The following TIE1 variants were observed in gnomAD, a reference collection of about 807,000 sequenced individuals.
The protein encoded by TIE1 is tyrosine-protein kinase receptor Tie-1.
A neutral mutation model predicts 130.5 loss-of-function variants in TIE1; 89 were observed. The ratio of observed to expected loss-of-function variants is 0.68; its 90% CI spans 0.57 to 0.81. TIE1 has a LOEUF of 0.81. TIE1 is among the 40% of genes least tolerant of loss of function. The pLI, the probability that TIE1 is intolerant of heterozygous loss-of-function variation, is 0.00. For synonymous variants in TIE1, 568 were observed against 629.4 expected (o/e 0.90, Z 1.46); for missense variants, 1,392 against 1,559.8 (o/e 0.89, Z 1.81).
chr1:43,313,197 T>C lies in TIE1; in HGVS notation c.1990T>C (p.Trp664Arg). 1 of 1,613,688 alleles carries C rather than the reference T, an allele frequency of 6.2e-7. No homozygotes were observed. Among genetic ancestry groups the C allele is most frequent in the Non-Finnish European group, 8.5e-7 (1 of 1,179,834 alleles). ...ALSDSEIQLT[W>R]KHPEALPGPI... ...CTCAGACTCCGAGATCCAGCTGACA[T>C]GGAAGCACCCGGAGGCTCTGCCTGG... Residue 664 changes from tryptophan to arginine, a missense_variant, in exon 13 of 23, where the codon TGG becomes CGG. Physicochemically the swap from Trp to Arg is moderately radical, Grantham distance 101. Around this residue, in one of 6 missense-constraint regions of TIE1, gnomAD observed 551 missense variants for 565.5 expected, o/e 0.97. Transcript: ENST00000372476. This position sits in a 1 kb window ranked among gnomAD's most constrained non-coding sequence, Gnocchi z 6.2.
In TIE1 at chr1:43,319,547, G is replaced by C. The variant is rs751742231; in HGVS notation, c.3107+18G>C. 2.2e-5 allele frequency: 36 copies of C among 1,612,628 alleles called. No homozygotes were observed. The South Asian group carries it at 3.5e-4, about 16-fold the overall frequency. ...AGTGATGTGTGAGTGTGAGATGAGAGGGCACAGGAGGGCTTGGCCCCCAAG... is the reference window on the plus strand; with the variant it reads ...AGTGATGTGTGAGTGTGAGATGAGACGGCACAGGAGGGCTTGGCCCCCAAG... On this transcript the variant is annotated intron_variant, in intron 19 of 22. Transcript: ENST00000372476. The surrounding 1 kb of genome is among the most constrained non-coding windows in gnomAD (Gnocchi z 4.7).
chr1:43,309,317 A>G lies in TIE1; in HGVS notation c.1189-71A>G. On this transcript the variant is annotated intron_variant, in intron 8 of 22. Coordinates refer to ENST00000372476, the MANE Select transcript of TIE1 (RefSeq NM_005424.5). The surrounding 1 kb of genome is among the most constrained non-coding windows in gnomAD (Gnocchi z 6.3). ...GGCCTCTGTCCTGCCATCAGTCCAG[A>G]CGGACACCTGGGTGCCTGCCACAGA... 3.3e-6 allele frequency: 5 copies of G among 1,534,112 alleles called. 1 individual carries two copies. The South Asian group carries it at 6.5e-5, about 20-fold the overall frequency.
chr1:43,310,141 C>T (rs1246455561), intron 9 of TIE1, among the ~76,000 whole-genome samples: 1 of 152,114 alleles, frequency 6.6e-6, no homozygotes, highest in Non-Finnish European at 1.5e-5. Context: ...TCCCTCTGCT[C>T]CTGCCACCCC....
chr1:43,313,802 A>G lies in TIE1; in HGVS notation c.2243A>G (p.Gln748Arg). 1.2e-6 allele frequency: 2 copies of G among 1,613,402 alleles called. No homozygotes were observed. The highest frequency in any genetic ancestry group is 8.5e-7 in the Non-Finnish European group (1 of 1,179,792). ...GGGCTGCAGGCTGAGGGCCCAGTCC[A>G]AGAGAGCCGGGCAGCTGAAGAGGGC... Reference protein sequence around the residue: ...GNGLQAEGPVQESRAAEEGLD... With the variant: ...GNGLQAEGPVRESRAAEEGLD... Residue 748 changes from glutamine (Q) to arginine (R), a missense_variant, in exon 14 of 23, where the codon CAA becomes CGA. By Grantham distance (43) the Gln-to-Arg change is conservative (BLOSUM62 1). Transcript: ENST00000372476. This position sits in a 1 kb window ranked among gnomAD's most constrained non-coding sequence, Gnocchi z 6.2.
In TIE1 at chr1:43,317,378, G is replaced by A. The variant is rs377415946; in HGVS notation, c.2589G>A (p.Leu863=). The A allele has an allele frequency of 1.3e-4, 208 of 1,613,956 alleles. No individual in the cohort carries two copies. The highest frequency in any genetic ancestry group is 1.7e-4 in the Non-Finnish European group (203 of 1,180,014). Residue 863 remains leucine (L), a synonymous_variant, in exon 15 of 23, where the codon CTG becomes CTA. Transcript: ENST00000372476. This position sits in a 1 kb window ranked among gnomAD's most constrained non-coding sequence, Gnocchi z 5.1. ...GGGCCATGATCAAGAAGGACGGGCT[G>A]AAGATGAACGCAGCCATCAAAATGC... ...VIRAMIKKDG[L]KMNAAIKMLK...
At position 43,306,059 on chromosome 1, in the gene TIE1, G is replaced by C. The variant is rs897450346; in HGVS notation, c.484+716G>C. On this transcript the variant is annotated intron_variant, in intron 3 of 22. Coordinates refer to ENST00000372476, the MANE Select transcript of TIE1 (RefSeq NM_005424.5). This position sits in a 1 kb window ranked among gnomAD's most constrained non-coding sequence, Gnocchi z 4.9. ...GGCACAGGCAGACCTGGGTCTCTAG[G>C]CTCTCTGTTCAGCCCTGAGCAAAGA... Among the ~76,000 whole-genome samples, 2 of 152,184 alleles carry C rather than the reference G, an allele frequency of 1.3e-5. No homozygotes were observed. Among genetic ancestry groups the C allele is most frequent in the Non-Finnish European group, 2.9e-5 (2 of 68,032 alleles).
In TIE1 at chr1:43,307,253, C is replaced by G; in HGVS notation, c.752C>G (p.Thr251Ser). Residue 251 changes from threonine (T) to serine (S), a missense_variant, in exon 5 of 23, where the codon ACT becomes AGT. By Grantham distance (58) the Thr-to-Ser change is moderately conservative. Coordinates refer to ENST00000372476, the MANE Select transcript of TIE1 (RefSeq NM_005424.5). The surrounding 1 kb of genome is among the most constrained non-coding windows in gnomAD (Gnocchi z 5.4). Reference protein sequence around the residue: ...DGECVCPPGFTGTRCEQACRE... With the variant: ...DGECVCPPGFSGTRCEQACRE... The stretch of plus-strand genomic sequence containing the variant: ...GAATGTGTATGCCCCCCTGGCTTCA[C>G]TGGCACCCGCTGTGAACAGGGTAAG... 1.2e-6 allele frequency: 2 copies of G among 1,614,116 alleles called. No individual in the cohort carries two copies. The highest frequency in any genetic ancestry group is 1.7e-6 in the Non-Finnish European group (2 of 1,180,010).
At position 43,317,254 on chromosome 1, in the gene TIE1, C is replaced by A. The variant is rs1350226013; in HGVS notation, c.2465C>A (p.Pro822Gln). 1 of 1,614,042 alleles carries A rather than the reference C, an allele frequency of 6.2e-7. No individual in the cohort carries two copies. The highest frequency in any genetic ancestry group is 8.5e-7 in the Non-Finnish European group (1 of 1,180,040). ...GGGACCTTGACACTTACCCGGCGGCCAAAACTGCAGCCCGAGCCCCTGAGC... is the reference window on the plus strand; with the variant it reads ...GGGACCTTGACACTTACCCGGCGGCAAAAACTGCAGCCCGAGCCCCTGAGC... ...SSGTLTLTRR[P>Q]KLQPEPLSYP... Residue 822 changes from proline to glutamine, a missense_variant, in exon 15 of 23, where the codon CCA becomes CAA. Pro to Gln is a moderately conservative substitution (Grantham distance 76). This residue lies in a region of TIE1 where 286 missense variants were observed against 354.4 expected (regional missense o/e 0.81). Coordinates refer to ENST00000372476, the MANE Select transcript of TIE1 (RefSeq NM_005424.5). The surrounding 1 kb of genome is among the most constrained non-coding windows in gnomAD (Gnocchi z 5.1).
intron 3 of TIE1, among the ~76,000 whole-genome samples, chr1:43,305,562 G>T (rs1300519352): frequency 6.6e-6 from 1 of 152,190 alleles, no homozygotes; most frequent in Non-Finnish European, 1.5e-5. Context: ...AGGAGCCTGT[G>T]GTCAGCTGCC....
rs1161764549 is a variant in TIE1 at position 43,306,056 on chromosome 1, T to C, written c.484+713T>C. 6.6e-6 allele frequency among the ~76,000 whole-genome samples: 1 copy of C among 152,182 alleles called. No homozygotes were observed. Among genetic ancestry groups the C allele is most frequent in the Non-Finnish European group, 1.5e-5 (1 of 68,038 alleles). ...AGAGGCACAGGCAGACCTGGGTCTC[T>C]AGGCTCTCTGTTCAGCCCTGAGCAA... is the stretch of plus-strand genomic sequence containing the variant. On this transcript the variant is annotated intron_variant, in intron 3 of 22. Transcript: ENST00000372476. This position sits in a 1 kb window ranked among gnomAD's most constrained non-coding sequence, Gnocchi z 4.9.
chr1:43,302,392 G>A (rs1221324764), intron 1 of TIE1: 1 of 152,220 alleles, frequency 6.6e-6, no homozygotes, highest in Non-Finnish European at 1.5e-5. Context: ...AGAACACAGA[G>A]GCTGCCTTTG....
At chr1:43,321,575 C>T (rs1646920245) in intron 21 of TIE1, 41 bp from the exon 22 acceptor site, 1 of 1,554,634 alleles carries the variant, frequency 6.4e-7, no homozygotes, top group Non-Finnish European at 8.7e-7. Context: ...CCCATCACCC[C>T]AGCTGGCCTG....
Position 43,319,179 on chromosome 1 carries a change from G to T in TIE1, c.2923-56G>T. 7.4e-7 allele frequency: 1 copy of T among 1,347,870 alleles called. No homozygotes were observed. The highest frequency in any genetic ancestry group is 1.2e-5 in the South Asian group (1 of 86,012). The allele number at this position is 1,347,870 out of a possible 1,614,324, so 83.5% of individuals were successfully genotyped here. On this transcript the variant is annotated intron_variant, in intron 17 of 22. Transcript: ENST00000372476. The surrounding 1 kb of genome is among the most constrained non-coding windows in gnomAD (Gnocchi z 4.7). ...ACGAAGACTGACTCCTTACTGGCCT[G>T]ACTGTCCTGGGCTCCCTCATCCCCA... is the stretch of plus-strand genomic sequence containing the variant.
In TIE1 at chr1:43,318,128, C is replaced by A. The variant is rs1646879634; in HGVS notation, c.2922+56C>A. 1 of 1,498,066 alleles carries A rather than the reference C, an allele frequency of 6.7e-7. No individual in the cohort carries two copies. Among genetic ancestry groups the A allele is most frequent in the Non-Finnish European group, 8.9e-7 (1 of 1,125,012 alleles). The allele number at this position is 1,498,066 out of a possible 1,614,324, so 92.8% of individuals were successfully genotyped here. On this transcript the variant is annotated intron_variant, in intron 17 of 22. Coordinates refer to ENST00000372476, the MANE Select transcript of TIE1 (RefSeq NM_005424.5). The surrounding 1 kb of genome is among the most constrained non-coding windows in gnomAD (Gnocchi z 4.4). ...GAGGGGGAAGCCACTGGGCTGGTGTCAGTGGAAGAAGTCAGCCGGCCCTGA... is the reference window on the plus strand; with the variant it reads ...GAGGGGGAAGCCACTGGGCTGGTGTAAGTGGAAGAAGTCAGCCGGCCCTGA...
chr1:43,312,465 C>G lies in TIE1; in HGVS notation c.1791C>G (p.Val597=), dbSNP rs749923827. 8 of 1,611,346 alleles carry G rather than the reference C, an allele frequency of 5.0e-6. No individual in the cohort carries two copies. The East Asian group carries it at 1.6e-4, about 31-fold the overall frequency. ...GGGGGCAGGAGCGGCGGGAGAACGTCTCATCCCCCCAGGCCCGCACTGCCC... is the reference window on the plus strand; with the variant it reads ...GGGGGCAGGAGCGGCGGGAGAACGTGTCATCCCCCCAGGCCCGCACTGCCC... ...GTRGQERREN[V]SSPQARTALL... Residue 597 remains valine (V), a synonymous_variant, in exon 12 of 23, where the codon GTC becomes GTG. Coordinates refer to ENST00000372476, the MANE Select transcript of TIE1 (RefSeq NM_005424.5). The surrounding 1 kb of genome is among the most constrained non-coding windows in gnomAD (Gnocchi z 5.6).
rs756842988 is a variant in TIE1, at chr1:43,309,063, G to C, written c.1120G>C (p.Ala374Pro). The change falls in exon 8 of 23, where the codon GCT becomes CCT. Residue 374 changes from alanine to proline, a missense_variant. By Grantham distance (27) the Ala-to-Pro change is conservative. Transcript: ENST00000372476. This position sits in a 1 kb window ranked among gnomAD's most constrained non-coding sequence, Gnocchi z 6.3. ...GACGATGCCCCGGATCAACTGTGCA[G>C]CTGCAGGGAACCCCTTCCCCGTGCG... ...LETMPRINCA[A>P]AGNPFPVRGS... The C allele has an allele frequency of 6.2e-7, 1 of 1,613,988 alleles. No homozygotes were observed. Among genetic ancestry groups the C allele is most frequent in the South Asian group, 1.1e-5 (1 of 91,068 alleles).
chr1:43,312,755 G>A lies in TIE1; in HGVS notation c.1927+154G>A, dbSNP rs997997754. 1.2e-4 allele frequency among the ~76,000 whole-genome samples: 18 copies of A among 152,080 alleles called. No individual in the cohort carries two copies. Among genetic ancestry groups the A allele is most frequent in the Admixed American group, 2.0e-4 (3 of 15,274 alleles). ...GGTATTAGGCAGACGTGACCCCAGC[G>A]GGGACATGGGACTTGGGGAAGATCC... On this transcript the variant is annotated intron_variant, in intron 12 of 22. Coordinates refer to ENST00000372476, the MANE Select transcript of TIE1 (RefSeq NM_005424.5). This position sits in a 1 kb window ranked among gnomAD's most constrained non-coding sequence, Gnocchi z 5.6.
At chr1:43,314,174 T>G in intron 14 of TIE1, 3 of 735,238 alleles carry the variant, frequency 4.1e-6, no homozygotes, top group Non-Finnish European at 4.4e-6. Flanking sequence ...ATGAGCCCAT[T>G]TATATTAGTG....
At position 43,313,264 on chromosome 1, in the gene TIE1, G is replaced by C. The variant is rs780719092; in HGVS notation, c.2057G>C (p.Gly686Ala). Residue 686 changes from glycine to alanine, a missense_variant, in exon 13 of 23, where the codon GGT (glycine) becomes GCT (alanine). By Grantham distance (60) the Gly-to-Ala change is moderately conservative (BLOSUM62 0). Transcript: ENST00000372476. This position sits in a 1 kb window ranked among gnomAD's most constrained non-coding sequence, Gnocchi z 6.2. The stretch of plus-strand genomic sequence containing the variant: ...GTTGTGGAGGTGCAGGTGGCTGGGG[G>C]TGCAGGAGACCCACTGTGGATAGAC... ...KYVVEVQVAG[G>A]AGDPLWIDVD... 1.2e-6 allele frequency: 2 copies of C among 1,613,924 alleles called. No individual in the cohort carries two copies. Among genetic ancestry groups the C allele is most frequent in the Non-Finnish European group, 1.7e-6 (2 of 1,179,948 alleles).
Sources: allele counts gnomAD v4.1 joint callset (sites outside exome capture counted in the v4.1 genomes callset), GRCh38; gene constraint gnomAD v4.1.1; regional missense constraint gnomAD v4.1.1; non-coding constraint Gnocchi (gnomAD v3.1); transcripts MANE v1.5; gene names NCBI Gene and HGNC (gene_info 2026-07-23, HGNC 2026-07-21).